Variants in MYPN observed in about 807,000 individuals in gnomAD.
MYPN encodes the protein sarcomeric protein myopalladin, 145 kDa (MYOP).
In MYPN, 63 loss-of-function variants were observed where a neutral mutation model predicts 129.4. The ratio of observed to expected loss-of-function variants is 0.49; its 90% CI spans 0.40 to 0.60. The LOEUF (loss-of-function observed/expected upper bound fraction) is 0.60, where lower values mean the gene tolerates loss of function less well. Among genes scored for constraint, MYPN ranks in the 20% least tolerant of loss-of-function variants. MYPN has a pLI of 0.00. For missense variants in MYPN, 1,596 were observed against 1,635.4 expected (o/e 0.98, Z 0.42); for synonymous variants, 629 against 600.9 (o/e 1.05, Z -0.68).
chr10:68,119,385 T>TTTTATTTTATTTA (rs2042206650), intron 1 of MYPN, among the ~76,000 whole-genome samples: 1 of 144,700 alleles, frequency 6.9e-6, no homozygotes, highest in Non-Finnish European at 1.5e-5. Flanking sequence ...TTGCATTTTA[T>TTTTATTTTATTTA]TTTATTTATT....
In MYPN at chr10:68,210,458, A is replaced by G. The variant is rs1421940761; in HGVS notation, c.*3A>G. ...TAGTGGAGAGTGATGAACTTTAAGA[A>G]TGTCTAGGTACCTGCTGTGTAAGAG... is the stretch of plus-strand genomic sequence containing the variant. On this transcript the variant is annotated 3_prime_UTR_variant, in exon 20 of 20. Coordinates refer to ENST00000358913, the MANE Select transcript of MYPN (RefSeq NM_032578.4). The G allele has an allele frequency of 6.2e-7, 1 of 1,613,938 alleles. No homozygotes were observed. The highest frequency in any genetic ancestry group is 1.7e-5 in the Admixed American group (1 of 60,004).
intron 1 of MYPN, among the ~76,000 whole-genome samples, chr10:68,118,101 C>T (rs2042184198): frequency 1.3e-5 from 2 of 151,966 alleles, no homozygotes; most frequent in African/African-American, 4.8e-5. Context: ...TTTATCATAA[C>T]CATAAACATA....
intron 2 of MYPN, among the ~76,000 whole-genome samples, chr10:68,133,619 C>T (rs1356180472): frequency 6.6e-6 from 1 of 151,990 alleles, no homozygotes; most frequent in Non-Finnish European, 1.5e-5. Context: ...GCATAAGGAA[C>T]TCTCTGGACA....
intron 1 of MYPN, 56 bp from the exon 2 acceptor site, chr10:68,121,382 G>T: frequency 6.6e-7 from 1 of 1,505,816 alleles, no homozygotes; most frequent in South Asian, 1.2e-5. Context: ...AATAGACATA[G>T]ACTTGTTATT....
chr10:68,195,496 T>A lies in MYPN; in HGVS notation c.3122T>A (p.Ile1041Asn), dbSNP rs754227127. 164 of 1,613,954 alleles carry A rather than the reference T, an allele frequency of 1.0e-4. 1 individual carries two copies. Among genetic ancestry groups the A allele is most frequent in the South Asian group, 4.1e-4 (37 of 91,090 alleles). The change falls in exon 15 of 20, where the codon ATT (isoleucine) becomes AAT (asparagine). Residue 1041 changes from isoleucine (I) to asparagine (N), a missense_variant. Transcript: ENST00000358913. Reference protein sequence around the residue: ...SGHLMVQSLPIRSRLTSAGQS... With the variant: ...SGHLMVQSLPNRSRLTSAGQS... ...CACTTGATGGTACAAAGTTTGCCCA[T>A]TCGCAGTCGGCTAACCTCTGCTGGT...
chr10:68,092,210 G>C (rs984447547), intron 1 of MYPN, among the ~76,000 whole-genome samples: 13 of 152,118 alleles, frequency 8.5e-5, no homozygotes, highest in African/African-American at 3.1e-4. Context: ...TATGTTGTTG[G>C]CCGGGTGCAG....
chr10:68,166,754 C>T (rs2043062130), intron 10 of MYPN, 88 bp downstream of exon 10: 9 of 1,524,464 alleles, frequency 5.9e-6, no homozygotes, highest in Non-Finnish European at 8.0e-6. Context: ...CTCAGCTAGG[C>T]ACAGTTGCTC....
In MYPN at chr10:68,148,433, T is replaced by C; in HGVS notation, c.1211T>C (p.Leu404Ser). ...CCAGCAGTACCCCAAGCCCAGCATT[T>C]GGTGGCCCAACCTCGTGTGGCAACC... The part of the protein sequence containing the change: ...IPPAVPQAQH[L>S]VAQPRVATIQ... The change falls in exon 5 of 20, where the codon TTG (leucine) becomes TCG (serine). Residue 404 changes from leucine to serine, a missense_variant. Physicochemically the swap from Leu to Ser is moderately radical, Grantham distance 145. Coordinates refer to ENST00000358913, the MANE Select transcript of MYPN (RefSeq NM_032578.4). 1 of 1,614,174 alleles carries C rather than the reference T, an allele frequency of 6.2e-7. No individual in the cohort carries two copies. The highest frequency in any genetic ancestry group is 1.3e-5 in the African/African-American group (1 of 75,064).
intron 1 of MYPN, among the ~76,000 whole-genome samples, chr10:68,116,570 T>C (rs2042160016): frequency 6.6e-6 from 1 of 152,194 alleles, no homozygotes; most frequent in Admixed American, 6.5e-5. Flanking sequence ...AACCCATCTC[T>C]ACTGAAAATA....
intron 2 of MYPN, among the ~76,000 whole-genome samples, chr10:68,129,186 C>T (rs748713947): frequency 8.5e-5 from 13 of 152,220 alleles, no homozygotes; most frequent in East Asian, 3.9e-4. Context: ...GGAAGAGGCT[C>T]GGCCGTCTGT....
Position 68,199,432 on chromosome 10 carries a change from C to T in MYPN, c.3350C>T (p.Ala1117Val), listed in dbSNP as rs762950668. 7 of 1,614,038 alleles carry T rather than the reference C, an allele frequency of 4.3e-6. No homozygotes were observed. The East Asian group carries it at 1.1e-4, about 26-fold the overall frequency. Residue 1117 changes from alanine to valine, a missense_variant, in exon 17 of 20, where the codon GCC (alanine) becomes GTC (valine). By Grantham distance (64) the Ala-to-Val change is moderately conservative (BLOSUM62 0). Transcript: ENST00000358913. ...LLNGQPVLPD[A>V]SHKMLVRETG... is the part of the protein sequence containing the mutation. Reference sequence around the variant, plus strand: ...AATGGCCAACCTGTGCTACCAGATGCCTCCCACAAGATGCTGGTCAGGGAG... The same window carrying T: ...AATGGCCAACCTGTGCTACCAGATGTCTCCCACAAGATGCTGGTCAGGGAG...
At chr10:68,147,886 C>T (rs114857508) in intron 4 of MYPN, among the ~76,000 whole-genome samples, 2,589 of 152,246 alleles carry the variant, frequency 0.017, 77 homozygotes, top group African/African-American at 0.059. Flanking sequence ...CATGCCATTT[C>T]TACTTTCTGC....
At chr10:68,197,538 T>A in intron 16 of MYPN, 60 bp downstream of exon 16, 2 of 1,605,488 alleles carry the variant, frequency 1.2e-6, no homozygotes, top group Non-Finnish European at 1.7e-6. Flanking sequence ...TTGTTTGCAT[T>A]CATTTTTATT....
intron 6 of MYPN, among the ~76,000 whole-genome samples, chr10:68,157,156 T>A (rs12774706): frequency 0.4 from 61,100 of 151,744 alleles, 14,086 homozygotes; most frequent in Non-Finnish European, 0.52. Flanking sequence ...ATTGTGGGAG[T>A]GTGGAAAAGC....
chr10:68,155,158 G>A (rs978714893), intron 6 of MYPN, among the ~76,000 whole-genome samples: 3 of 152,086 alleles, frequency 2.0e-5, no homozygotes, highest in Admixed American at 2.0e-4. Context: ...TCCAGCCTGG[G>A]TGACAGAGCA....
In MYPN at chr10:68,119,658, C is replaced by T. The variant is rs190755097; in HGVS notation, c.-1-1780C>T. Among the ~76,000 whole-genome samples, 1,453 of 152,286 alleles carry T rather than the reference C, an allele frequency of 9.5e-3. 11 individuals are homozygous for T. Among genetic ancestry groups the T allele is most frequent in the Middle Eastern group, 0.02 (6 of 294 alleles). Reference sequence around the variant, plus strand: ...AACTCCTGACCTCAGGTGATCCACCCGCTTTGGCCTCCCAAAGTGCTGGGA... The same window carrying T: ...AACTCCTGACCTCAGGTGATCCACCTGCTTTGGCCTCCCAAAGTGCTGGGA... On this transcript the variant is annotated intron_variant, in intron 1 of 19. Coordinates refer to ENST00000358913, the MANE Select transcript of MYPN (RefSeq NM_032578.4).
At position 68,206,776 on chromosome 10, in the gene MYPN, C is replaced by T; in HGVS notation, c.3666C>T (p.His1222=). The T allele has an allele frequency of 6.2e-7, 1 of 1,614,166 alleles. No homozygotes were observed. ...IPCTRERISM[H]QDTTGYACLL... is the part of the protein sequence containing the mutation. ...ATTCTCTCTTTTTCTCCAGTATGCA[C>T]CAGGACACAACAGGGTATGCCTGCC... The change falls in exon 19 of 20, where the codon CAC becomes CAT. Residue 1222 remains histidine (H), a synonymous_variant. Transcript: ENST00000358913.
intron 7 of MYPN, among the ~76,000 whole-genome samples, chr10:68,158,929 C>T (rs1238564642): frequency 2.0e-5 from 3 of 149,398 alleles, no homozygotes; most frequent in African/African-American, 7.4e-5. Context: ...TAGATGGAAT[C>T]TCACTCTGTC....
intron 2 of MYPN, among the ~76,000 whole-genome samples, chr10:68,125,411 C>A (rs2042310219): frequency 1.3e-5 from 2 of 152,142 alleles, no homozygotes; most frequent in Admixed American, 1.3e-4. Context: ...TTTATGACTG[C>A]AATTAGATTA....
Sources: allele counts gnomAD v4.1 joint callset (sites outside exome capture counted in the v4.1 genomes callset), GRCh38; gene constraint gnomAD v4.1.1; transcripts MANE v1.5; gene names NCBI Gene and HGNC (gene_info 2026-07-23, HGNC 2026-07-21).